The following RXRA variants were observed in gnomAD, a reference collection of about 807,000 sequenced individuals.
RXRA encodes retinoid X receptor alpha, also known as retinoic acid receptor RXR-alpha.
RXRA carries 5 observed loss-of-function variants against 44.5 expected under a neutral mutation model. The observed-to-expected ratio is 0.11, with a 90% CI of 0.06 to 0.24. RXRA has a LOEUF of 0.24. Among genes scored for constraint, RXRA ranks in the 10% least tolerant of loss-of-function variants. The pLI, the probability that RXRA is intolerant of heterozygous loss-of-function variation, is 1.00. For synonymous variants in RXRA, 291 were observed against 271.4 expected (o/e 1.07, Z -0.71); for missense variants, 412 against 646.5 (o/e 0.64, Z 3.93).
At chr9:134,341,261 C>T (rs1417873764) in intron 1 of RXRA, among the ~76,000 whole-genome samples, 2 of 152,176 alleles carry the variant, frequency 1.3e-5, no homozygotes, top group African/African-American at 2.4e-5. Flanking sequence ...GCTGCTTGCC[C>T]AATATCATGT....
intron 1 of RXRA, among the ~76,000 whole-genome samples, chr9:134,345,106 C>T (rs1269597423): frequency 6.6e-6 from 1 of 152,236 alleles, no homozygotes; most frequent in African/African-American, 2.4e-5. Flanking sequence ...CTCTCCAGCT[C>T]AGCGACTGTG....
chr9:134,419,012 G>C (rs1831284107), intron 5 of RXRA, among the ~76,000 whole-genome samples: 1 of 152,238 alleles, frequency 6.6e-6, no homozygotes, highest in Non-Finnish European at 1.5e-5. Flanking sequence ...CCCCGGCTCT[G>C]CTCAGACCTC....
In RXRA at chr9:134,426,443, T is replaced by C; in HGVS notation, c.911-2665T>C. 2 of 984,834 alleles carry C rather than the reference T, an allele frequency of 2.0e-6. No homozygotes were observed. The highest frequency in any genetic ancestry group is 2.4e-6 in the Non-Finnish European group (2 of 829,788). 61.0% of individuals were successfully genotyped at this position (984,834 alleles called of 1,614,324 possible). ...GGGCAGGAGAGGAGAAATAACCGAG[T>C]GAGGACATCGGGGTGGAGGGACAGG... On this transcript the variant is annotated intron_variant, in intron 6 of 9. Coordinates refer to ENST00000481739, the MANE Select transcript of RXRA (RefSeq NM_002957.6). The surrounding 1 kb of genome is among the most constrained non-coding windows in gnomAD (Gnocchi z 4.6).
chr9:134,373,757 C>T (rs1157738060), intron 1 of RXRA, among the ~76,000 whole-genome samples: 1 of 152,242 alleles, frequency 6.6e-6, no homozygotes, highest in Non-Finnish European at 1.5e-5. Context: ...AGCCGATAGC[C>T]AGGTTCCTGG....
intron 1 of RXRA, among the ~76,000 whole-genome samples, chr9:134,384,180 C>T (rs1013072177): frequency 6.6e-6 from 1 of 152,014 alleles, no homozygotes; most frequent in African/African-American, 2.4e-5. Flanking sequence ...TCCTCAGTGT[C>T]ACCCCGGTTG....
intron 6 of RXRA, chr9:134,424,851 C>G: frequency 1.0e-6 from 1 of 985,440 alleles, no homozygotes; most frequent in Non-Finnish European, 1.2e-6. Flanking sequence ...GGTGATCCTG[C>G]TGGGTTTTCT....
intron 1 of RXRA, among the ~76,000 whole-genome samples, chr9:134,341,903 G>A (rs1830090953): frequency 6.6e-6 from 1 of 152,172 alleles, no homozygotes; most frequent in South Asian, 2.1e-4. Context: ...GCCTGGCTGG[G>A]CAGGGCTGGG....
At chr9:134,373,444 G>A (rs560655155) in intron 1 of RXRA, among the ~76,000 whole-genome samples, 35 of 152,282 alleles carry the variant, frequency 2.3e-4, no homozygotes, top group South Asian at 1.0e-3. Flanking sequence ...TTCCCAGGCC[G>A]TTGGCCCATT....
intron 1 of RXRA, chr9:134,401,421 G>A (rs1429874793): frequency 2.9e-5 from 21 of 731,428 alleles, no homozygotes; most frequent in East Asian, 2.1e-4. Flanking sequence ...GGGGTCAGGC[G>A]CAGAACAGTA....
intron 1 of RXRA, among the ~76,000 whole-genome samples, chr9:134,345,489 G>C (rs797027606): frequency 1.1e-4 from 17 of 152,204 alleles, no homozygotes; most frequent in African/African-American, 4.1e-4. Flanking sequence ...CCCTGGCCTT[G>C]GTGGCCTCCA....
intron 6 of RXRA, chr9:134,423,927 T>A: frequency 2.0e-6 from 2 of 984,890 alleles, no homozygotes; most frequent in Non-Finnish European, 2.4e-6. Context: ...CGCACGCAGC[T>A]CTTTTCCTGG....
At chr9:134,378,340 C>T (rs890180889) in intron 1 of RXRA, among the ~76,000 whole-genome samples, 58 of 74,630 alleles carry the variant, frequency 7.8e-4, no homozygotes, top group African/African-American at 2.2e-3. Context: ...CACCTGAAGG[C>T]GTGTGTGCCG....
At chr9:134,389,428 C>T (rs928851636) in intron 1 of RXRA, among the ~76,000 whole-genome samples, 5 of 151,404 alleles carry the variant, frequency 3.3e-5, no homozygotes, top group South Asian at 2.1e-4. Context: ...GCCTCTGTCC[C>T]GGGCTGGGGG....
intron 1 of RXRA, among the ~76,000 whole-genome samples, chr9:134,368,359 C>T (rs1033441749): frequency 1.3e-5 from 2 of 152,254 alleles, no homozygotes; most frequent in African/African-American, 4.8e-5. Context: ...CTGCCCTTGC[C>T]ACCCACTCCC....
At chr9:134,359,106 C>G (rs1302202412) in intron 1 of RXRA, among the ~76,000 whole-genome samples, 1 of 152,108 alleles carries the variant, frequency 6.6e-6, no homozygotes, top group Non-Finnish European at 1.5e-5. Context: ...AGCTTCCAGA[C>G]CTGCTGTCTA....
At chr9:134,391,680 C>T (rs1227879328) in intron 1 of RXRA, among the ~76,000 whole-genome samples, 1 of 152,204 alleles carries the variant, frequency 6.6e-6, no homozygotes, top group East Asian at 1.9e-4. Context: ...TGCCAAGTCC[C>T]CGAGCTGGTA....
intron 6 of RXRA, 81 bp from the exon 7 acceptor site, chr9:134,429,027 T>C: frequency 6.4e-7 from 1 of 1,552,856 alleles, no homozygotes; most frequent in East Asian, 2.3e-5. Context: ...GCTGCCTCTG[T>C]AGGGTCCCAC....
intron 5 of RXRA, among the ~76,000 whole-genome samples, chr9:134,418,924 G>A (rs139045263): frequency 3.9e-5 from 6 of 152,342 alleles, no homozygotes; most frequent in East Asian, 1.9e-4. Flanking sequence ...GTCTGCTCTT[G>A]TCTGAGGCCC....
At chr9:134,384,155 G>A (rs1017042281) in intron 1 of RXRA, among the ~76,000 whole-genome samples, 1 of 151,800 alleles carries the variant, frequency 6.6e-6, no homozygotes, top group Admixed American at 6.6e-5. Flanking sequence ...CACCCCCGGG[G>A]GGAGTCCTGG....
Sources: allele counts gnomAD v4.1 joint callset (sites outside exome capture counted in the v4.1 genomes callset), GRCh38; gene constraint gnomAD v4.1.1; non-coding constraint Gnocchi (gnomAD v3.1); transcripts MANE v1.5; gene names NCBI Gene and HGNC (gene_info 2026-07-23, HGNC 2026-07-21).